CAST: variants seen among roughly 807,000 people sequenced by gnomAD.
The protein encoded by CAST is calpastatin.
Under a neutral mutation model 119.6 loss-of-function variants are expected in CAST, and 76 were observed. That is an observed-to-expected ratio of 0.64 (90% CI 0.53 to 0.77). CAST has a LOEUF of 0.77. CAST is among the 30% of genes least tolerant of loss of function. The probability of loss-of-function intolerance (pLI) is 0.00; values close to 1 mark genes in which losing one functional copy is unlikely to be tolerated. For missense variants in CAST, 953 were observed against 946.5 expected, an observed-to-expected ratio of 1.01 and a Z score of -0.09; for synonymous variants, 319 against 331.6, an observed-to-expected ratio of 0.96 and a Z score of 0.41.
At chr5:96,143,894 A>G in the CAST span, among the ~76,000 whole-genome samples, 1 of 152,224 alleles carries the variant, frequency 6.6e-6, no homozygotes, top group Non-Finnish European at 1.5e-5. Context: ...ATTTTTATTT[A>G]TTAGTGTCTT....
At chr5:96,066,758 C>T in the CAST span, among the ~76,000 whole-genome samples, 1 of 152,104 alleles carries the variant, frequency 6.6e-6, no homozygotes, top group Middle Eastern at 3.4e-3. Flanking sequence ...CTCCTGGGCT[C>T]AAGCAATTCT....
At chr5:96,733,942 G>C (rs556860994) in intron 9 of CAST, among the ~76,000 whole-genome samples, 20 of 152,288 alleles carry the variant, frequency 1.3e-4, no homozygotes, top group African/African-American at 4.6e-4. Context: ...ACTAGCTATA[G>C]GCTGGCCTGT....
chr5:96,581,764 G>T (rs1041782055), intron 1 of CAST, among the ~76,000 whole-genome samples: 1 of 152,076 alleles, frequency 6.6e-6, no homozygotes, highest in Admixed American at 6.5e-5. Context: ...GGTGGCGGGT[G>T]CCTGTAGTCC....
At chr5:96,464,870 T>C in the CAST span, among the ~76,000 whole-genome samples, 1 of 152,196 alleles carries the variant, frequency 6.6e-6, no homozygotes, top group Admixed American at 6.6e-5. Flanking sequence ...AGTTGTTCTT[T>C]GGGAGTATTG....
chr5:96,611,689 T>C (rs1022747293), intron 1 of CAST, among the ~76,000 whole-genome samples: 1 of 152,178 alleles, frequency 6.6e-6, no homozygotes, highest in African/African-American at 2.4e-5. Context: ...TGGGAGAAGA[T>C]ATTTACAAAC....
intron 1 of CAST, among the ~76,000 whole-genome samples, chr5:96,619,377 G>A (rs1316526667): frequency 6.8e-6 from 1 of 147,152 alleles, no homozygotes; most frequent in Non-Finnish European, 1.5e-5. Flanking sequence ...GGACCAATCA[G>A]CTCTCTGTAA....
the CAST span, among the ~76,000 whole-genome samples, chr5:96,469,970 G>T: frequency 6.7e-6 from 1 of 150,040 alleles, no homozygotes; most frequent in East Asian, 1.9e-4. Context: ...TTATAAACAT[G>T]ATGTAAATTA....
chr5:95,999,664 T>C, the CAST span, among the ~76,000 whole-genome samples: 10 of 152,276 alleles, frequency 6.6e-5, no homozygotes, highest in African/African-American at 2.4e-4. Context: ...TTGATTGACA[T>C]TTCAATTGTT....
chr5:96,398,958 G>A, the CAST span: 3 of 1,612,260 alleles, frequency 1.9e-6, no homozygotes, highest in Non-Finnish European at 2.5e-6. Flanking sequence ...CATGCTCCAG[G>A]GACTTGATAG....
chr5:96,182,384 T>C, the CAST span, among the ~76,000 whole-genome samples: 3 of 152,250 alleles, frequency 2.0e-5, no homozygotes, highest in Non-Finnish European at 4.4e-5. Context: ...GGAACCCTCC[T>C]ATGAGTTGGA....
chr5:96,343,911 G>T, the CAST span, among the ~76,000 whole-genome samples: 1 of 152,176 alleles, frequency 6.6e-6, no homozygotes, highest in African/African-American at 2.4e-5. Flanking sequence ...GTCTCCTTCA[G>T]CTGGAAGATG....
At chr5:96,369,784 T>C in the CAST span, among the ~76,000 whole-genome samples, 3 of 152,124 alleles carry the variant, frequency 2.0e-5, no homozygotes, top group Non-Finnish European at 4.4e-5. Context: ...GTCTCTTTAT[T>C]CCGTTTTATT....
chr5:96,402,715 T>G, the CAST span, among the ~76,000 whole-genome samples: 2 of 152,134 alleles, frequency 1.3e-5, no homozygotes, highest in African/African-American at 4.8e-5. Flanking sequence ...AAAGGCTCAA[T>G]GCTTTCATTT....
At chr5:96,724,186 C>CTTTTTTT (rs11454845) in intron 4 of CAST, among the ~76,000 whole-genome samples, 1 of 151,144 alleles carries the variant, frequency 6.6e-6, no homozygotes. Context: ...AATTAAAAAT[C>CTTTTTTT]TTTTTTTTTC....
chr5:96,393,600 C>T, the CAST span, among the ~76,000 whole-genome samples: 1 of 152,176 alleles, frequency 6.6e-6, no homozygotes, highest in African/African-American at 2.4e-5. Flanking sequence ...TCAACTTCAC[C>T]TGTCAGGTGG....
intron 1 of CAST, among the ~76,000 whole-genome samples, chr5:96,624,103 CT>C (rs1747670609): frequency 6.6e-6 from 1 of 152,174 alleles, no homozygotes; most frequent in Non-Finnish European, 1.5e-5. Flanking sequence ...CTGGACCTAT[CT>C]TTTATCCATG....
chr5:96,557,207 A>G (rs1746259847), intron 1 of CAST, among the ~76,000 whole-genome samples: 1 of 152,076 alleles, frequency 6.6e-6, no homozygotes, highest in African/African-American at 2.4e-5. Flanking sequence ...CTCCTGAAGG[A>G]AGCACTAAAC....
chr5:96,291,243 A>T, the CAST span, among the ~76,000 whole-genome samples: 1 of 152,228 alleles, frequency 6.6e-6, no homozygotes, highest in African/African-American at 2.4e-5. Flanking sequence ...GGTAATAAAC[A>T]ATTATTATAA....
chr5:96,380,263 T>G, the CAST span, among the ~76,000 whole-genome samples: 1 of 152,180 alleles, frequency 6.6e-6, no homozygotes, highest in Non-Finnish European at 1.5e-5. Context: ...GCTTCACCCT[T>G]ACATACTCAT....
Sources: allele counts gnomAD v4.1 joint callset (sites outside exome capture counted in the v4.1 genomes callset), GRCh38; gene constraint gnomAD v4.1.1; transcripts MANE v1.5; gene names NCBI Gene and HGNC (gene_info 2026-07-23, HGNC 2026-07-21).